Variants in PCDH15 observed in about 807,000 individuals in gnomAD.
The protein encoded by PCDH15 is protocadherin-15.
A neutral mutation model predicts 178.5 loss-of-function variants in PCDH15; 129 were observed. The observed-to-expected ratio is 0.72, with a 90% CI of 0.63 to 0.84. The LOEUF (loss-of-function observed/expected upper bound fraction) is 0.84, where lower values mean the gene tolerates loss of function less well. Among genes scored for constraint, PCDH15 ranks in the 40% least tolerant of loss-of-function variants. PCDH15 has a pLI of 0.00. For missense variants in PCDH15, 2,230 were observed against 2,099.9 expected, an observed-to-expected ratio of 1.06 and a Z score of -1.21; for synonymous variants, 800 against 732.0, an observed-to-expected ratio of 1.09 and a Z score of -1.50.
chr10:54,703,909 A>G (rs2095339790), intron 1 of PCDH15, among the ~76,000 whole-genome samples: 1 of 152,180 alleles, frequency 6.6e-6, no homozygotes, highest in Non-Finnish European at 1.5e-5. Context: ...AAGCAGACAC[A>G]TAGACCAATG....
At chr10:55,509,229 G>A (rs774324786) in intron 2 of PCDH15, among the ~76,000 whole-genome samples, 3 of 151,740 alleles carry the variant, frequency 2.0e-5, no homozygotes, top group African/African-American at 7.2e-5. Context: ...AAGATTTTAG[G>A]ATATAGTAAA....
intron 18 of PCDH15, among the ~76,000 whole-genome samples, chr10:54,062,252 A>AAAAAAAAAAAAAAAAT (rs2094040900): frequency 1.4e-5 from 1 of 72,222 alleles, no homozygotes; most frequent in Non-Finnish European, 3.0e-5. Flanking sequence ...AAAAAAAAAA[A>AAAAAAAAAAAAAAAAT]CAAAAAACAA....
chr10:55,357,685 TATA>T (rs1218338409), intron 2 of PCDH15, among the ~76,000 whole-genome samples: 1 of 152,032 alleles, frequency 6.6e-6, no homozygotes, highest in East Asian at 1.9e-4. Flanking sequence ...CATATTCATC[TATA>T]ATAAGACTTA....
chr10:54,513,331 G>T (rs1002551374), intron 3 of PCDH15, among the ~76,000 whole-genome samples: 2 of 151,258 alleles, frequency 1.3e-5, no homozygotes, highest in Non-Finnish European at 2.9e-5. Flanking sequence ...TGCAATCTCG[G>T]CTCACTGCAA....
intron 34 of PCDH15, among the ~76,000 whole-genome samples, chr10:53,817,263 G>A (rs911942523): frequency 8.5e-5 from 13 of 152,148 alleles, no homozygotes; most frequent in South Asian, 6.2e-4. Flanking sequence ...AACTAGGTTC[G>A]CAGTGACTTC....
chr10:54,886,032 C>T (rs1954352621), intron 3 of PCDH15, among the ~76,000 whole-genome samples: 1 of 152,108 alleles, frequency 6.6e-6, no homozygotes, highest in Non-Finnish European at 1.5e-5. Context: ...CTCTCTCTCT[C>T]TTCCCCTGCC....
At chr10:54,711,252 C>A (rs1052430350) in intron 1 of PCDH15, among the ~76,000 whole-genome samples, 1 of 151,964 alleles carries the variant, frequency 6.6e-6, no homozygotes, top group South Asian at 2.1e-4. Context: ...AAAATGATAT[C>A]TTTCCTCTGA....
At chr10:55,621,824 T>C (rs1026778906) in intron 2 of PCDH15, among the ~76,000 whole-genome samples, 15 of 150,788 alleles carry the variant, frequency 9.9e-5, no homozygotes, top group African/African-American at 3.7e-4. Flanking sequence ...AAAAGTTCAA[T>C]AAATATAGGA....
intron 13 of PCDH15, among the ~76,000 whole-genome samples, chr10:54,160,789 T>C (rs1198115464): frequency 6.6e-6 from 1 of 152,106 alleles, no homozygotes; most frequent in African/African-American, 2.4e-5. Flanking sequence ...AAATGGCTAA[T>C]AAGCACATGG....
chr10:54,026,501 G>A (rs1054233939), intron 18 of PCDH15, among the ~76,000 whole-genome samples: 1 of 152,118 alleles, frequency 6.6e-6, no homozygotes, highest in African/African-American at 2.4e-5. Flanking sequence ...TATAAATTAC[G>A]ATATGTCAAG....
At chr10:54,847,748 G>T (rs1953539978) in intron 3 of PCDH15, among the ~76,000 whole-genome samples, 1 of 152,190 alleles carries the variant, frequency 6.6e-6, no homozygotes, top group Non-Finnish European at 1.5e-5. Context: ...GAATAAATGT[G>T]TATTGAGCAC....
intron 2 of PCDH15, among the ~76,000 whole-genome samples, chr10:55,364,934 G>A (rs899727509): frequency 4.0e-5 from 6 of 151,744 alleles, no homozygotes. Context: ...TAAATTTTTT[G>A]TCAATTATAA....
At chr10:54,216,875 C>T (rs1289179189) in intron 9 of PCDH15, among the ~76,000 whole-genome samples, 3 of 152,038 alleles carry the variant, frequency 2.0e-5, no homozygotes, top group Non-Finnish European at 4.4e-5. Context: ...AATGGTGATA[C>T]ATCCTAAAGC....
At chr10:55,032,419 A>C (rs1043010026) in intron 2 of PCDH15, among the ~76,000 whole-genome samples, 1 of 152,218 alleles carries the variant, frequency 6.6e-6, no homozygotes, top group Non-Finnish European at 1.5e-5. Flanking sequence ...AGAGCTAAAA[A>C]ATTAAAAGAC....
At chr10:54,980,095 C>T (rs1233056062) in intron 2 of PCDH15, among the ~76,000 whole-genome samples, 1 of 152,094 alleles carries the variant, frequency 6.6e-6, no homozygotes, top group Non-Finnish European at 1.5e-5. Context: ...CCCATTTATG[C>T]CTGAGGTTGC....
intron 20 of PCDH15, among the ~76,000 whole-genome samples, chr10:54,010,450 A>G (rs1208272905): frequency 3.9e-5 from 6 of 152,138 alleles, no homozygotes; most frequent in African/African-American, 1.4e-4. Flanking sequence ...TGTTGCCCTC[A>G]GGCTCAGGAG....
At chr10:53,982,564 A>G (rs1291152211) in intron 21 of PCDH15, among the ~76,000 whole-genome samples, 2 of 151,334 alleles carry the variant, frequency 1.3e-5, no homozygotes, top group African/African-American at 2.4e-5. Flanking sequence ...GCAAACTATC[A>G]CAAGGACAAA....
intron 2 of PCDH15, among the ~76,000 whole-genome samples, chr10:55,130,105 G>A (rs1017683838): frequency 2.6e-5 from 4 of 152,138 alleles, no homozygotes; most frequent in Non-Finnish European, 5.9e-5. Context: ...GTGGTATGAA[G>A]GCAAGCCAAG....
intron 18 of PCDH15, among the ~76,000 whole-genome samples, chr10:54,066,391 T>C (rs1449310669): frequency 6.6e-6 from 1 of 152,180 alleles, no homozygotes; most frequent in African/African-American, 2.4e-5. Context: ...ATTTACCTAA[T>C]GTAATGAATT....
Sources: gnomAD v4.1 joint callset for allele counts (sites outside exome capture counted in the v4.1 genomes callset) on GRCh38, gnomAD v4.1.1 for gene constraint, MANE v1.5 for transcripts, NCBI Gene and HGNC (gene_info 2026-07-23, HGNC 2026-07-21) for gene names.